The following MTUS2 variants were observed in gnomAD, a reference collection of about 807,000 sequenced individuals.
MTUS2 encodes the protein microtubule-associated tumor suppressor candidate 2.
Under a neutral mutation model 114.1 loss-of-function variants are expected in MTUS2, and 40 were observed. That is an observed-to-expected ratio of 0.35 (90% CI 0.27 to 0.46). MTUS2 has a LOEUF of 0.46. Among genes scored for constraint, MTUS2 ranks in the 20% least tolerant of loss-of-function variants. The probability of loss-of-function intolerance (pLI) is 1.00; values close to 1 mark genes in which losing one functional copy is unlikely to be tolerated. For synonymous variants in MTUS2, 688 were observed against 672.0 expected, an observed-to-expected ratio of 1.02 and a Z score of -0.37; for missense variants, 1,679 against 1,705.4, an observed-to-expected ratio of 0.98 and a Z score of 0.27.
intron 5 of MTUS2, among the ~76,000 whole-genome samples, chr13:29,259,184 A>G (rs1897380571): frequency 6.6e-6 from 1 of 152,192 alleles, no homozygotes; most frequent in African/African-American, 2.4e-5. Flanking sequence ...GAGAAGGTAG[A>G]ATGTGTGTGA....
chr13:28,899,288 C>A (rs771561324), intron 2 of MTUS2, among the ~76,000 whole-genome samples: 12 of 152,222 alleles, frequency 7.9e-5, no homozygotes, highest in Non-Finnish European at 1.3e-4. Context: ...ATATCGTGAA[C>A]TGTAACCTAA....
At chr13:29,463,327 C>G (rs1209154701) in intron 9 of MTUS2, among the ~76,000 whole-genome samples, 3 of 152,080 alleles carry the variant, frequency 2.0e-5, no homozygotes, top group African/African-American at 7.2e-5. Context: ...GTTTTAAGCC[C>G]CTAAGTTTGT....
Position 29,355,811 on chromosome 13 carries a change from C to G in MTUS2, c.2906-3451C>G, listed in dbSNP as rs192705008. Among the ~76,000 whole-genome samples, 8 of 152,270 alleles carry G rather than the reference C, an allele frequency of 5.3e-5. No homozygotes were observed. In the East Asian group the frequency reaches 1.5e-3, roughly 29 times the overall value. On this transcript the variant is annotated intron_variant, in intron 7 of 15. Transcript: ENST00000612955. Reference sequence around the variant, plus strand: ...AAGGAAGTACATTGGAGATAAAGCTCATTAACAGTTCGGTAGTGTACTAGG... The same window carrying G: ...AAGGAAGTACATTGGAGATAAAGCTGATTAACAGTTCGGTAGTGTACTAGG...
At chr13:29,414,669 A>G (rs1232214079) in intron 8 of MTUS2, among the ~76,000 whole-genome samples, 3 of 151,418 alleles carry the variant, frequency 2.0e-5, no homozygotes, top group Admixed American at 6.6e-5. Context: ...ATTATTTTCT[A>G]TTTTCCCTTG....
chr13:29,102,640 CAT>C (rs1228551979), intron 5 of MTUS2, among the ~76,000 whole-genome samples: 1 of 152,158 alleles, frequency 6.6e-6, no homozygotes, highest in African/African-American at 2.4e-5. Context: ...TTTTAAGAAA[CAT>C]ATGTTAGAAT....
At chr13:29,034,200 C>A in intron 4 of MTUS2, 75 bp downstream of exon 4, 1 of 1,584,330 alleles carries the variant, frequency 6.3e-7, no homozygotes, top group South Asian at 1.1e-5. Context: ...TGATAATTGT[C>A]TAAAATATGA....
chr13:28,944,754 C>T (rs79328330), intron 2 of MTUS2, among the ~76,000 whole-genome samples: 7 of 152,276 alleles, frequency 4.6e-5, no homozygotes, highest in Admixed American at 1.3e-4. Context: ...AGCTTGTCAT[C>T]GAAGTCCACA....
chr13:28,890,340 T>A (rs57585797), intron 2 of MTUS2, among the ~76,000 whole-genome samples: 3,513 of 152,306 alleles, frequency 0.023, 132 homozygotes, highest in African/African-American at 0.079. Context: ...TAGCCTCATC[T>A]GAAGCATACT....
intron 5 of MTUS2, among the ~76,000 whole-genome samples, chr13:29,275,170 A>C (rs1898016966): frequency 6.6e-6 from 1 of 152,106 alleles, no homozygotes; most frequent in South Asian, 2.1e-4. Flanking sequence ...ATTGCAGTCC[A>C]TTCACTTCTT....
At chr13:28,909,715 A>C (rs1479852542) in intron 2 of MTUS2, among the ~76,000 whole-genome samples, 1 of 152,120 alleles carries the variant, frequency 6.6e-6, no homozygotes, top group Non-Finnish European at 1.5e-5. Flanking sequence ...AGGGTATTCA[A>C]TTAGGAAAAG....
intron 2 of MTUS2, among the ~76,000 whole-genome samples, chr13:29,016,551 A>G (rs1251313468): frequency 6.6e-6 from 1 of 152,200 alleles, no homozygotes; most frequent in Non-Finnish European, 1.5e-5. Context: ...GAGGGGAAAT[A>G]GCAGCATATA....
intron 2 of MTUS2, among the ~76,000 whole-genome samples, chr13:28,953,634 A>G (rs971659116): frequency 2.0e-5 from 3 of 152,192 alleles, no homozygotes; most frequent in Non-Finnish European, 2.9e-5. Flanking sequence ...AAATTTCCAT[A>G]TAGCCAAATA....
intron 2 of MTUS2, among the ~76,000 whole-genome samples, chr13:28,879,647 A>G (rs769136494): frequency 4.0e-4 from 61 of 152,276 alleles, no homozygotes; most frequent in Admixed American, 3.0e-3. Context: ...CCTGAATAGG[A>G]TATTTTGCTC....
chr13:29,494,897 G>A (rs114290181), intron 12 of MTUS2, among the ~76,000 whole-genome samples: 3,851 of 151,932 alleles, frequency 0.025, 175 homozygotes, highest in African/African-American at 0.088. Flanking sequence ...AAAATTAGTC[G>A]GATGTGGGTC....
chr13:29,273,935 A>G (rs1897967616), intron 5 of MTUS2, among the ~76,000 whole-genome samples: 1 of 152,120 alleles, frequency 6.6e-6, no homozygotes, highest in Admixed American at 6.6e-5. Flanking sequence ...ATGGGGGGCC[A>G]TTTGGGTAGT....
intron 6 of MTUS2, among the ~76,000 whole-genome samples, chr13:29,293,215 A>G (rs1477752613): frequency 6.6e-6 from 1 of 152,194 alleles, no homozygotes; most frequent in Non-Finnish European, 1.5e-5. Context: ...AACTGTGAAT[A>G]TACATGCAGT....
chr13:29,073,848 A>C (rs1379779521), intron 4 of MTUS2, among the ~76,000 whole-genome samples: 1 of 99,296 alleles, frequency 1.0e-5, no homozygotes, highest in East Asian at 2.2e-4. Flanking sequence ...TGGTTTAACT[A>C]CAGTGGTTCC....
intron 2 of MTUS2, among the ~76,000 whole-genome samples, chr13:28,997,610 C>G (rs549510116): frequency 9.9e-5 from 15 of 152,216 alleles, no homozygotes; most frequent in African/African-American, 3.4e-4. Context: ...ATAGTTAGCT[C>G]TTCTTGTTGA....
intron 5 of MTUS2, among the ~76,000 whole-genome samples, chr13:29,245,084 G>T (rs960077330): frequency 2.0e-4 from 31 of 151,700 alleles, no homozygotes; most frequent in Non-Finnish European, 3.8e-4. Flanking sequence ...GGTTAAGTTT[G>T]AGCTGTTAAA....
Sources: gnomAD v4.1 joint callset for allele counts (sites outside exome capture counted in the v4.1 genomes callset) on GRCh38, gnomAD v4.1.1 for gene constraint, MANE v1.5 for transcripts, NCBI Gene and HGNC (gene_info 2026-07-23, HGNC 2026-07-21) for gene names.